The following IL1RAPL2 variants were observed in gnomAD, a reference collection of about 807,000 sequenced individuals.
IL1RAPL2 encodes X-linked interleukin-1 receptor accessory protein-like 2.
A neutral mutation model predicts 44.1 loss-of-function variants in IL1RAPL2; 3 were observed. The observed-to-expected ratio is 0.07, with a 90% CI of 0.03 to 0.18. The LOEUF (loss-of-function observed/expected upper bound fraction) is 0.18, where lower values mean the gene tolerates loss of function less well. Ranked by LOEUF, IL1RAPL2 falls within the 10% of genes least tolerant of loss-of-function variation. IL1RAPL2 has a pLI of 1.00. For synonymous variants in IL1RAPL2, 181 were observed against 178.8 expected (o/e 1.01, Z -0.10); for missense variants, 391 against 496.4 (o/e 0.79, Z 2.02).
chrX:105,053,999 C>T (rs1241522766), intron 2 of IL1RAPL2, among the ~76,000 whole-genome samples: 2 of 110,370 alleles, frequency 1.8e-5, no homozygotes, highest in African/African-American at 6.6e-5. Flanking sequence ...GACTCTGTCT[C>T]GAAAAATAAA....
At chrX:105,614,179 G>A (rs2037356610) in intron 6 of IL1RAPL2, among the ~76,000 whole-genome samples, 1 of 111,679 alleles carries the variant, frequency 9.0e-6, no homozygotes, top group African/African-American at 3.3e-5. Flanking sequence ...AGAAGTTGAA[G>A]AGGACACACA....
At chrX:104,811,404 G>C (rs998094362) in intron 2 of IL1RAPL2, among the ~76,000 whole-genome samples, 1 of 111,791 alleles carries the variant, frequency 8.9e-6, no homozygotes, top group African/African-American at 3.2e-5. Flanking sequence ...GCTGCTGAGA[G>C]GATGGAGGCA....
chrX:105,679,603 A>AACTT lies in IL1RAPL2; in HGVS notation c.773-37761_773-37758dup, dbSNP rs756651502. Among the ~76,000 whole-genome samples the AACTT allele has an allele frequency of 4.9e-4, 55 of 112,148 alleles. 1 individual carries two copies. In the South Asian group the frequency reaches 0.016, roughly 33 times the overall value. ...TAGAATTTATATATCAGTTACCTTC[A>AACTT]ACTTACAAGAAGTTGCAAAATAATT... is the stretch of plus-strand genomic sequence containing the variant. On this transcript the variant is annotated intron_variant, in intron 6 of 10. Transcript: ENST00000372582.
chrX:105,483,884 T>A (rs1383127753), intron 5 of IL1RAPL2, among the ~76,000 whole-genome samples: 1 of 110,941 alleles, frequency 9.0e-6, no homozygotes, highest in East Asian at 2.8e-4. Context: ...CAGTGGAGAG[T>A]GGGGGATAAT....
intron 2 of IL1RAPL2, among the ~76,000 whole-genome samples, chrX:104,995,368 T>C (rs2030730152): frequency 1.8e-5 from 2 of 111,873 alleles, no homozygotes. Flanking sequence ...AAAAGTAACA[T>C]ATTAGTAAGA....
intron 5 of IL1RAPL2, among the ~76,000 whole-genome samples, chrX:105,433,202 C>T (rs2035859720): frequency 9.1e-6 from 1 of 109,916 alleles, no homozygotes; most frequent in Non-Finnish European, 1.9e-5. Context: ...TGTTTTTTCC[C>T]GGAGTGGGAA....
chrX:105,149,987 A>G (rs1027037433), intron 2 of IL1RAPL2, among the ~76,000 whole-genome samples: 1 of 110,829 alleles, frequency 9.0e-6, no homozygotes, highest in African/African-American at 3.3e-5. Context: ...ATGAATTTAA[A>G]TTTTCGTCAG....
At chrX:104,747,541 G>T (rs375127085) in intron 2 of IL1RAPL2, among the ~76,000 whole-genome samples, 1 of 111,268 alleles carries the variant, frequency 9.0e-6, no homozygotes, top group Admixed American at 9.6e-5. Context: ...AATATGGTTC[G>T]AGGAGAGTGG....
chrX:104,873,317 A>G (rs185295725), intron 2 of IL1RAPL2, among the ~76,000 whole-genome samples: 1 of 111,819 alleles, frequency 8.9e-6, no homozygotes, highest in Non-Finnish European at 1.9e-5. Flanking sequence ...ACCACAAAAT[A>G]CTGTCACATT....
chrX:104,776,333 C>T (rs762808442), intron 2 of IL1RAPL2, among the ~76,000 whole-genome samples: 5 of 111,611 alleles, frequency 4.5e-5, no homozygotes, highest in Non-Finnish European at 9.4e-5. Flanking sequence ...ATTGTACTTG[C>T]GCATCATGAA....
intron 2 of IL1RAPL2, among the ~76,000 whole-genome samples, chrX:104,866,902 G>T (rs771975909): frequency 9.0e-6 from 1 of 111,025 alleles, no homozygotes; most frequent in East Asian, 2.8e-4. Context: ...GTAGTGGGTT[G>T]AGGCTATCTA....
At chrX:104,893,751 C>G (rs999031695) in intron 2 of IL1RAPL2, among the ~76,000 whole-genome samples, 3 of 111,733 alleles carry the variant, frequency 2.7e-5, no homozygotes, top group Non-Finnish European at 5.6e-5. Flanking sequence ...ATTTGCCAGT[C>G]TGTGTCTTTT....
At chrX:105,028,962 AT>A (rs1043767954) in intron 2 of IL1RAPL2, among the ~76,000 whole-genome samples, 5 of 109,721 alleles carry the variant, frequency 4.6e-5, no homozygotes, top group South Asian at 3.8e-4. Flanking sequence ...GATTTTATAT[AT>A]TTTTCATTCT....
rs183654119 is a variant in IL1RAPL2, at chrX:105,670,588, C to T, written c.773-46779C>T. The stretch of plus-strand genomic sequence containing the variant: ...TGCTGGGATTACAGGCGTGAGCCAC[C>T]GCGCCCGGCCAATCTTGTCTATATC... On this transcript the variant is annotated intron_variant, in intron 6 of 10. Transcript: ENST00000372582. Among the ~76,000 whole-genome samples, 204 of 103,356 alleles carry T rather than the reference C, an allele frequency of 2.0e-3. 6 individuals carry two copies. The East Asian group carries it at 0.056, about 28-fold the overall frequency. The allele number at this position is 103,356 out of a possible 115,157, so 89.8% of individuals were successfully genotyped here.
At chrX:104,999,979 C>G (rs1447474789) in intron 2 of IL1RAPL2, among the ~76,000 whole-genome samples, 2 of 108,674 alleles carry the variant, frequency 1.8e-5, no homozygotes, top group African/African-American at 6.7e-5. Flanking sequence ...CTGCATAAGA[C>G]TTTTCTAATT....
At chrX:105,451,144 T>G (rs937796658) in intron 5 of IL1RAPL2, among the ~76,000 whole-genome samples, 2 of 111,697 alleles carry the variant, frequency 1.8e-5, no homozygotes, top group Non-Finnish European at 3.8e-5. Flanking sequence ...GGATATCTTC[T>G]CTCTCAGAAC....
chrX:105,128,761 T>G (rs751412962), intron 2 of IL1RAPL2, among the ~76,000 whole-genome samples: 1 of 111,519 alleles, frequency 9.0e-6, no homozygotes, highest in East Asian at 2.8e-4. Context: ...TAGTGATTTC[T>G]TATATTTAGG....
chrX:105,723,992 A>C (rs1002371419), intron 7 of IL1RAPL2, among the ~76,000 whole-genome samples: 1 of 111,277 alleles, frequency 9.0e-6, no homozygotes, highest in Non-Finnish European at 1.9e-5. Context: ...CACACATTTC[A>C]AAATTGCATT....
At position 105,698,891 on chromosome X, in the gene IL1RAPL2, TCTC is replaced by T. The variant is rs2038097802; in HGVS notation, c.773-18475_773-18473del. 4.5e-5 allele frequency among the ~76,000 whole-genome samples: 5 copies of T among 111,639 alleles called. No individual in the cohort carries two copies. In the South Asian group the frequency reaches 1.9e-3, roughly 42 times the overall value. ...CCTAAACTTATTAATAAAAAACAAA[TCTC>T]AATCAACCATGCTAGAGGAACTATT... On this transcript the variant is annotated intron_variant, in intron 6 of 10. Coordinates refer to ENST00000372582, the MANE Select transcript of IL1RAPL2 (RefSeq NM_017416.2).
Sources: gnomAD v4.1 joint callset for allele counts (sites outside exome capture counted in the v4.1 genomes callset) on GRCh38, gnomAD v4.1.1 for gene constraint, MANE v1.5 for transcripts, NCBI Gene and HGNC (gene_info 2026-07-23, HGNC 2026-07-21) for gene names.